DGKI: variants seen among roughly 807,000 people sequenced by gnomAD.
The protein encoded by DGKI is diacylglycerol kinase iota, also known as DAG kinase iota.
Under a neutral mutation model 147.5 loss-of-function variants are expected in DGKI, and 55 were observed. The ratio of observed to expected loss-of-function variants is 0.37; its 90% confidence interval spans 0.30 to 0.47. The LOEUF is 0.47. DGKI is among the 20% of genes least tolerant of loss of function. The probability of loss-of-function intolerance (pLI) is 1.00; values close to 1 mark genes in which losing one functional copy is unlikely to be tolerated. For missense variants in DGKI, 1,007 were observed against 1,323.8 expected (o/e 0.76, Z 3.71); for synonymous variants, 469 against 477.1 (o/e 0.98, Z 0.22).
intron 28 of DGKI, among the ~76,000 whole-genome samples, chr7:137,418,184 A>C (rs1450867064): frequency 2.0e-5 from 3 of 152,206 alleles, no homozygotes; most frequent in Admixed American, 2.0e-4. Context: ...TCCTGGGTTT[A>C]AGTCCTGTGA....
chr7:137,534,351 G>C (rs758874970), intron 20 of DGKI, among the ~76,000 whole-genome samples: 5 of 151,734 alleles, frequency 3.3e-5, no homozygotes, highest in Admixed American at 6.6e-5. Context: ...GTTTTGCTTT[G>C]TTTTCTGGGT....
intron 19 of DGKI, among the ~76,000 whole-genome samples, chr7:137,564,909 C>A (rs920074788): frequency 6.6e-6 from 1 of 152,370 alleles, no homozygotes; most frequent in African/African-American, 2.4e-5. Flanking sequence ...CCGCCCCCAC[C>A]GCCACAGTCG....
intron 20 of DGKI, among the ~76,000 whole-genome samples, chr7:137,524,418 G>A (rs192293888): frequency 5.9e-5 from 9 of 152,114 alleles, no homozygotes; most frequent in East Asian, 3.9e-4. Context: ...TTAAAAGCAC[G>A]TCCATATGTA....
At chr7:137,792,383 T>G (rs113288926) in intron 1 of DGKI, among the ~76,000 whole-genome samples, 1 of 152,152 alleles carries the variant, frequency 6.6e-6, no homozygotes. Context: ...CATTGAGAGA[T>G]ATTTTATTTC....
intron 21 of DGKI, among the ~76,000 whole-genome samples, chr7:137,501,230 T>G (rs1816160490): frequency 6.6e-6 from 1 of 152,230 alleles, no homozygotes; most frequent in Non-Finnish European, 1.5e-5. Flanking sequence ...AATAATCTAT[T>G]GTGTATATAT....
At chr7:137,669,354 C>T (rs934098997) in intron 3 of DGKI, among the ~76,000 whole-genome samples, 1 of 152,172 alleles carries the variant, frequency 6.6e-6, no homozygotes, top group Non-Finnish European at 1.5e-5. Context: ...GCAAATAATG[C>T]TTCCATCAAG....
chr7:137,688,502 G>T (rs1823498644), intron 2 of DGKI, among the ~76,000 whole-genome samples: 1 of 152,104 alleles, frequency 6.6e-6, no homozygotes, highest in Non-Finnish European at 1.5e-5. Context: ...CACACAAAAG[G>T]GCAGAGAAGG....
At chr7:137,656,604 G>C in intron 3 of DGKI, 64 bp from the exon 4 acceptor site, 1 of 1,435,270 alleles carries the variant, frequency 7.0e-7, no homozygotes, top group Non-Finnish European at 9.8e-7. Flanking sequence ...GAGTTCCCTA[G>C]TATTAAAGTG....
At chr7:137,617,330 G>T (rs1353305011) in intron 8 of DGKI, among the ~76,000 whole-genome samples, 1 of 151,750 alleles carries the variant, frequency 6.6e-6, no homozygotes, top group Non-Finnish European at 1.5e-5. Flanking sequence ...AATAACAGGG[G>T]GTATTGTTCT....
chr7:137,604,763 A>ACTCAGTCTAGGTCAC (rs1187601454), intron 10 of DGKI, among the ~76,000 whole-genome samples: 10 of 152,208 alleles, frequency 6.6e-5, no homozygotes. Context: ...AGAGAAAGTC[A>ACTCAGTCTAGGTCAC]TGAGAGAACG....
intron 1 of DGKI, among the ~76,000 whole-genome samples, chr7:137,693,445 A>C (rs1352322122): frequency 6.6e-6 from 1 of 152,234 alleles, no homozygotes; most frequent in Non-Finnish European, 1.5e-5. Context: ...AAAAGAAAAT[A>C]TCCTATAATG....
At chr7:137,740,922 T>C (rs1392354100) in intron 1 of DGKI, among the ~76,000 whole-genome samples, 1 of 152,198 alleles carries the variant, frequency 6.6e-6, no homozygotes, top group East Asian at 1.9e-4. Flanking sequence ...GTCCAAATCC[T>C]AATCCTGTCA....
intron 6 of DGKI, among the ~76,000 whole-genome samples, chr7:137,633,457 T>G (rs996282454): frequency 2.0e-5 from 3 of 152,192 alleles, no homozygotes; most frequent in Non-Finnish European, 4.4e-5. Flanking sequence ...GTCACATTCT[T>G]AAGAAGTAAT....
At chr7:137,606,293 A>C (rs548757373) in intron 10 of DGKI, among the ~76,000 whole-genome samples, 1 of 152,180 alleles carries the variant, frequency 6.6e-6, no homozygotes, top group South Asian at 2.1e-4. Flanking sequence ...TTAGAAGACT[A>C]AGCAAGTTAA....
intron 21 of DGKI, among the ~76,000 whole-genome samples, chr7:137,492,469 A>G (rs1219026986): frequency 1.3e-5 from 2 of 152,196 alleles, no homozygotes; most frequent in African/African-American, 4.8e-5. Flanking sequence ...GCTACCATTC[A>G]TCAGTTCCTG....
intron 5 of DGKI, among the ~76,000 whole-genome samples, chr7:137,652,578 C>A (rs1822066855): frequency 6.6e-6 from 1 of 152,148 alleles, no homozygotes; most frequent in African/African-American, 2.4e-5. Context: ...GGCACTGAGG[C>A]ACCACAGCCC....
At chr7:137,468,171 G>A (rs984873838) in intron 24 of DGKI, among the ~76,000 whole-genome samples, 4 of 152,066 alleles carry the variant, frequency 2.6e-5, no homozygotes, top group Admixed American at 6.6e-5. Context: ...CTCCAAAGGC[G>A]ACAGAACTAA....
At chr7:137,459,351 AG>A (rs1387589436) in intron 27 of DGKI, among the ~76,000 whole-genome samples, 2 of 152,054 alleles carry the variant, frequency 1.3e-5, no homozygotes, top group African/African-American at 2.4e-5. Context: ...GGTGCCTTGG[AG>A]GAAGAATGAT....
chr7:137,756,674 A>G (rs1368950979), intron 1 of DGKI, among the ~76,000 whole-genome samples: 1 of 152,294 alleles, frequency 6.6e-6, no homozygotes, highest in African/African-American at 2.4e-5. Flanking sequence ...CTTCATCCAT[A>G]TCTACGATCT....
Sources: allele counts gnomAD v4.1 joint callset (sites outside exome capture counted in the v4.1 genomes callset), GRCh38; gene constraint gnomAD v4.1.1; transcripts MANE v1.5; gene names NCBI Gene and HGNC (gene_info 2026-07-23, HGNC 2026-07-21).